RHOBTB1: variants seen among roughly 807,000 people sequenced by gnomAD.
RHOBTB1 encodes the protein rho-related BTB domain-containing protein 1.
Under a neutral mutation model 71.6 loss-of-function variants are expected in RHOBTB1, and 40 were observed. The observed-to-expected ratio is 0.56, with a 90% confidence interval of 0.43 to 0.73. The LOEUF is 0.73. Ranked by LOEUF, RHOBTB1 falls within the 30% of genes least tolerant of loss-of-function variation. The pLI is 0.00. For synonymous variants in RHOBTB1, 319 were observed against 334.9 expected (o/e 0.95, Z 0.52); for missense variants, 797 against 894.0 (o/e 0.89, Z 1.38).
At chr10:60,940,465 T>A (rs1285865034) in intron 2 of RHOBTB1, among the ~76,000 whole-genome samples, 8 of 152,210 alleles carry the variant, frequency 5.3e-5, no homozygotes, top group Non-Finnish European at 1.2e-4. Context: ...GGTTAGGATT[T>A]ATCTATTATG....
chr10:61,001,449 G>C (rs1159153520), upstream of RHOBTB1: 3 of 147,730 alleles, frequency 2.0e-5, no homozygotes, highest in Non-Finnish European at 3.0e-5. Flanking sequence ...CCGGGCGGCC[G>C]AGGCTGGCGC....
intron 4 of RHOBTB1, among the ~76,000 whole-genome samples, chr10:60,907,532 G>A (rs1414789233): frequency 6.6e-6 from 1 of 152,182 alleles, no homozygotes; most frequent in African/African-American, 2.4e-5. Flanking sequence ...CCATAAGAGA[G>A]CTGGAGTTAT....
At chr10:60,868,324 T>C (rs1028183382), downstream of RHOBTB1, among the ~76,000 whole-genome samples, 7 of 152,134 alleles carry the variant, frequency 4.6e-5, no homozygotes, top group African/African-American at 1.7e-4. Flanking sequence ...CTATCATCTA[T>C]CTATCTCTGT....
At position 60,911,490 on chromosome 10, in the gene RHOBTB1, A is replaced by G. The variant is rs764689756; in HGVS notation, c.53T>C (p.Val18Ala). The G allele has an allele frequency of 4.3e-6, 7 of 1,614,216 alleles. No homozygotes were observed. The highest frequency in any genetic ancestry group is 5.9e-6 in the Non-Finnish European group (7 of 1,180,030). ...CCCCACGGCATTGTCACCCACGACC[A>G]CACATTTGATAGTTTCAACGTTGGG... ...ERPNVETIKCVVVGDNAVGKT... is the reference protein window; with the variant it reads ...ERPNVETIKCAVVGDNAVGKT... The change falls in exon 3 of 11, where the codon GTG (valine) becomes GCG (alanine). Residue 18 changes from valine (V) to alanine (A), a missense_variant. By Grantham distance (64) the Val-to-Ala change is moderately conservative. Transcript: ENST00000337910.
chr10:60,956,931 T>G (rs971198251), intron 2 of RHOBTB1, among the ~76,000 whole-genome samples: 13 of 152,334 alleles, frequency 8.5e-5, no homozygotes, highest in Non-Finnish European at 1.5e-4. Context: ...AACCCATATG[T>G]GCATCAAACT....
chr10:60,897,455 T>G (rs1344265882), intron 4 of RHOBTB1, among the ~76,000 whole-genome samples: 1 of 152,240 alleles, frequency 6.6e-6, no homozygotes, highest in East Asian at 1.9e-4. Context: ...ATCATCCAGC[T>G]GAGGAGCTGT....
upstream of RHOBTB1, among the ~76,000 whole-genome samples, chr10:60,945,749 C>T (rs1409043605): frequency 6.6e-6 from 1 of 152,104 alleles, no homozygotes; most frequent in Non-Finnish European, 1.5e-5. Context: ...TAAGCCATTC[C>T]CACGGCAGTA....
downstream of RHOBTB1, among the ~76,000 whole-genome samples, chr10:60,864,794 G>A (rs545578062): frequency 6.6e-6 from 1 of 152,142 alleles, no homozygotes; most frequent in Non-Finnish European, 1.5e-5. Flanking sequence ...CCCAGTTCAA[G>A]TGATTCTCCT....
intron 1 of RHOBTB1, among the ~76,000 whole-genome samples, chr10:60,986,404 G>GATATATCTAT (rs1318532187): frequency 3.8e-4 from 26 of 67,636 alleles, no homozygotes; most frequent in African/African-American, 8.4e-4. Flanking sequence ...ATAAATAAAA[G>GATATATCTAT]ATATATATAT....
rs145003562 is a variant in RHOBTB1 at position 60,871,015 on chromosome 10, A to G, written c.*467T>C. 1 of 153,116 alleles carries G rather than the reference A, an allele frequency of 6.5e-6. No homozygotes were observed. The highest frequency in any genetic ancestry group is 2.4e-5 in the African/African-American group (1 of 41,580). The allele number at this position is 153,116 out of a possible 1,614,324, so 9.5% of individuals were successfully genotyped here. On this transcript the variant is annotated 3_prime_UTR_variant, in exon 11 of 11. Coordinates refer to ENST00000337910, the MANE Select transcript of RHOBTB1 (RefSeq NM_014836.5). ...AAGGATAACCCTCTAATTACGTAAT[A>G]ATGCTCGGTGGTCATGTGGGCAAAG...
At chr10:60,940,709 A>G (rs529350227) in intron 2 of RHOBTB1, among the ~76,000 whole-genome samples, 1 of 152,288 alleles carries the variant, frequency 6.6e-6, no homozygotes, top group East Asian at 1.9e-4. Flanking sequence ...GAAATTCTAC[A>G]TTCTGTCCTT....
chr10:60,899,149 C>T (rs1326957069), intron 4 of RHOBTB1, among the ~76,000 whole-genome samples: 1 of 152,202 alleles, frequency 6.6e-6, no homozygotes, highest in Non-Finnish European at 1.5e-5. Flanking sequence ...TTTATTCTTA[C>T]ACCTCACATA....
chr10:60,947,895 C>T (rs2134353475), upstream of RHOBTB1, among the ~76,000 whole-genome samples: 1 of 152,272 alleles, frequency 6.6e-6, no homozygotes, highest in South Asian at 2.1e-4. Context: ...AACTGCTAAA[C>T]CATTTTCCAG....
chr10:60,886,437 A>G lies in RHOBTB1; in HGVS notation c.1457-207T>C, dbSNP rs972790603. ...CATGCTGTATTTGACATCATCACAC[A>G]TAAAGTCACGGCACAAACTCTCTGA... is the stretch of plus-strand genomic sequence containing the variant. On this transcript the variant is annotated intron_variant, in intron 6 of 10. Coordinates refer to ENST00000337910, the MANE Select transcript of RHOBTB1 (RefSeq NM_014836.5). Among the ~76,000 whole-genome samples the G allele has an allele frequency of 2.6e-5, 4 of 152,286 alleles. No homozygotes were observed. The East Asian group carries it at 7.7e-4, about 29-fold the overall frequency.
At chr10:60,918,126 T>G (rs2083365868) in intron 2 of RHOBTB1, among the ~76,000 whole-genome samples, 1 of 152,192 alleles carries the variant, frequency 6.6e-6, no homozygotes, top group Non-Finnish European at 1.5e-5. Context: ...CATAGCTATT[T>G]GCTACAGTGC....
At chr10:60,941,526 T>C (rs1488390980) in intron 2 of RHOBTB1, among the ~76,000 whole-genome samples, 3 of 152,110 alleles carry the variant, frequency 2.0e-5, no homozygotes, top group Non-Finnish European at 4.4e-5. Context: ...CCCAGTATTC[T>C]CAACCACGGG....
At chr10:60,952,489 C>A (rs2085447189) in intron 2 of RHOBTB1, among the ~76,000 whole-genome samples, 2 of 152,258 alleles carry the variant, frequency 1.3e-5, no homozygotes, top group Admixed American at 1.3e-4. Flanking sequence ...GAAGGAGGCA[C>A]CACTATTATC....
chr10:60,994,287 T>A (rs1240422930), intron 1 of RHOBTB1, among the ~76,000 whole-genome samples: 1 of 152,050 alleles, frequency 6.6e-6, no homozygotes, highest in Non-Finnish European at 1.5e-5. Flanking sequence ...AAAAATGAAA[T>A]AATCAAATGG....
At chr10:60,997,384 T>C (rs1013242199) in intron 1 of RHOBTB1, among the ~76,000 whole-genome samples, 5 of 152,216 alleles carry the variant, frequency 3.3e-5, no homozygotes, top group East Asian at 1.9e-4. Flanking sequence ...CTGTGCATAA[T>C]GGCTCCAAGC....
Sources: gnomAD v4.1 joint callset for allele counts (sites outside exome capture counted in the v4.1 genomes callset) on GRCh38, gnomAD v4.1.1 for gene constraint, MANE v1.5 for transcripts, NCBI Gene and HGNC (gene_info 2026-07-23, HGNC 2026-07-21) for gene names.